The following TNIK variants were observed in gnomAD, a reference collection of about 807,000 sequenced individuals.
The protein encoded by TNIK is TRAF2 and NCK-interacting protein kinase.
In TNIK, 49 loss-of-function variants were observed where a neutral mutation model predicts 191.3. That is an observed-to-expected ratio of 0.26 (90% confidence interval 0.20 to 0.32). The LOEUF is 0.32. Among genes scored for constraint, TNIK ranks in the 10% least tolerant of loss-of-function variants. The pLI, the probability that TNIK is intolerant of heterozygous loss-of-function variation, is 1.00. For missense variants in TNIK, 1,155 were observed against 1,702.3 expected, an observed-to-expected ratio of 0.68 and a Z score of 5.66; for synonymous variants, 594 against 600.9, an observed-to-expected ratio of 0.99 and a Z score of 0.17.
At chr3:171,251,934 T>C (rs1315710376) in intron 2 of TNIK, among the ~76,000 whole-genome samples, 1 of 152,210 alleles carries the variant, frequency 6.6e-6, no homozygotes, top group Non-Finnish European at 1.5e-5. Flanking sequence ...AAAGAAATTT[T>C]GTGGTTTGTG....
At chr3:171,065,440 G>A (rs1168889293) in intron 32 of TNIK, among the ~76,000 whole-genome samples, 2 of 152,178 alleles carry the variant, frequency 1.3e-5, no homozygotes, top group South Asian at 2.1e-4. Context: ...TTCTATAGGC[G>A]TTTATGTCTG....
intron 2 of TNIK, among the ~76,000 whole-genome samples, chr3:171,335,360 T>A (rs1756858330): frequency 1.3e-5 from 2 of 152,236 alleles, no homozygotes; most frequent in African/African-American, 2.4e-5. Context: ...TGATGAATTT[T>A]AACAAATGTA....
intron 2 of TNIK, among the ~76,000 whole-genome samples, chr3:171,260,851 CAAAGCTAGTTGTTT>C (rs1646026695): frequency 1.3e-5 from 2 of 152,108 alleles, no homozygotes; most frequent in African/African-American, 4.8e-5. Context: ...GATGTTTTTC[CAAAGCTAGTTGTTT>C]AAAGCTATTC....
At chr3:171,390,777 T>A (rs1719396626) in intron 1 of TNIK, among the ~76,000 whole-genome samples, 1 of 152,212 alleles carries the variant, frequency 6.6e-6, no homozygotes, top group African/African-American at 2.4e-5. Flanking sequence ...ATGAGATAAC[T>A]GTGCTGGCTT....
chr3:171,066,933 T>C (rs1374666033), intron 30 of TNIK, among the ~76,000 whole-genome samples, 198 bp from the exon 31 acceptor site: 2 of 152,208 alleles, frequency 1.3e-5, no homozygotes, highest in Non-Finnish European at 1.5e-5. Context: ...AAATTCAATT[T>C]ACCTGTTCCT....
chr3:171,274,973 G>A (rs1193174883), intron 2 of TNIK, among the ~76,000 whole-genome samples: 1 of 152,112 alleles, frequency 6.6e-6, no homozygotes, highest in Non-Finnish European at 1.5e-5. Context: ...CTGTGAGGCA[G>A]GAAAAACAAA....
At chr3:171,152,798 G>A (rs912113820) in intron 12 of TNIK, among the ~76,000 whole-genome samples, 1 of 149,954 alleles carries the variant, frequency 6.7e-6, no homozygotes, top group African/African-American at 2.5e-5. Flanking sequence ...TTGAGACGGA[G>A]TCTTGCTCTG....
chr3:171,457,125 T>A (rs1728882164), intron 1 of TNIK, among the ~76,000 whole-genome samples: 1 of 152,236 alleles, frequency 6.6e-6, no homozygotes, highest in Admixed American at 6.5e-5. Context: ...AAAACTGGAT[T>A]CAAAGTACCT....
intron 10 of TNIK, among the ~76,000 whole-genome samples, chr3:171,165,982 G>T (rs1734574655): frequency 6.6e-6 from 1 of 152,168 alleles, no homozygotes; most frequent in Non-Finnish European, 1.5e-5. Flanking sequence ...CAGTCAATAT[G>T]CTAGTCAATC....
chr3:171,246,281 C>G (rs1376537583), intron 2 of TNIK, among the ~76,000 whole-genome samples: 1 of 145,620 alleles, frequency 6.9e-6, no homozygotes. Context: ...GGGTAGAGAA[C>G]CAGATAAAAA....
chr3:171,214,425 T>C (rs12485371), intron 3 of TNIK, among the ~76,000 whole-genome samples: 45,821 of 152,080 alleles, frequency 0.3, 7,758 homozygotes, highest in East Asian at 0.5. Context: ...CCTATCAGAA[T>C]TGCCACCCAC....
intron 2 of TNIK, among the ~76,000 whole-genome samples, chr3:171,254,484 C>T (rs1270072863): frequency 6.6e-6 from 1 of 152,188 alleles, no homozygotes; most frequent in Non-Finnish European, 1.5e-5. Flanking sequence ...GATTTCCTGC[C>T]TGCAACTGTA....
chr3:171,353,163 G>A (rs1056481540), intron 2 of TNIK, among the ~76,000 whole-genome samples: 1 of 152,152 alleles, frequency 6.6e-6, no homozygotes, highest in African/African-American at 2.4e-5. Context: ...ACTAGAAATA[G>A]TAGTCTTCAG....
intron 7 of TNIK, among the ~76,000 whole-genome samples, chr3:171,180,183 G>A (rs752662503): frequency 2.0e-5 from 3 of 151,866 alleles, no homozygotes; most frequent in East Asian, 1.9e-4. Context: ...GAAAATGCTC[G>A]AAGGCCCAGC....
At chr3:171,413,777 C>T (rs1560041732) in intron 1 of TNIK, among the ~76,000 whole-genome samples, 2 of 152,216 alleles carry the variant, frequency 1.3e-5, no homozygotes, top group Admixed American at 6.5e-5. Context: ...TACAGGTTCG[C>T]AGTCAGGCAG....
chr3:171,259,142 G>A (rs1747275007), intron 2 of TNIK, among the ~76,000 whole-genome samples: 1 of 152,192 alleles, frequency 6.6e-6, no homozygotes, highest in African/African-American at 2.4e-5. Flanking sequence ...GAGTGTATGT[G>A]TGTGTGTATA....
chr3:171,340,733 T>C (rs1360467161), intron 2 of TNIK, among the ~76,000 whole-genome samples: 2 of 152,216 alleles, frequency 1.3e-5, no homozygotes, highest in Non-Finnish European at 2.9e-5. Context: ...ATTTTTGAAG[T>C]GTACCGAATT....
At chr3:171,255,355 G>A (rs1347848505) in intron 2 of TNIK, among the ~76,000 whole-genome samples, 3 of 152,136 alleles carry the variant, frequency 2.0e-5, no homozygotes, top group Non-Finnish European at 4.4e-5. Flanking sequence ...AGCTCCCTGG[G>A]TGACAAATGC....
intron 23 of TNIK, among the ~76,000 whole-genome samples, chr3:171,092,909 A>G (rs145971021): frequency 6.6e-6 from 1 of 152,370 alleles, no homozygotes; most frequent in Non-Finnish European, 1.5e-5. Context: ...CTGGATGGTG[A>G]TAACAAGTAA....
Sources: gnomAD v4.1 joint callset for allele counts (sites outside exome capture counted in the v4.1 genomes callset) on GRCh38, gnomAD v4.1.1 for gene constraint, MANE v1.5 for transcripts, NCBI Gene and HGNC (gene_info 2026-07-23, HGNC 2026-07-21) for gene names.